CACNA2D1: variants seen among roughly 807,000 people sequenced by gnomAD.
CACNA2D1 encodes the protein calcium voltage-gated channel auxiliary subunit alpha2delta 1, also known as voltage-dependent calcium channel subunit alpha-2/delta-1.
Under a neutral mutation model 171.5 loss-of-function variants are expected in CACNA2D1, and 53 were observed. The observed-to-expected ratio is 0.31, with a 90% confidence interval of 0.25 to 0.39. The LOEUF (loss-of-function observed/expected upper bound fraction) is 0.39, where lower values mean the gene tolerates loss of function less well. CACNA2D1 is among the 10% of genes least tolerant of loss of function. The pLI is 1.00. For missense variants in CACNA2D1, 903 were observed against 1,299.8 expected, an observed-to-expected ratio of 0.69 and a Z score of 4.69; for synonymous variants, 442 against 443.1, an observed-to-expected ratio of 1.00 and a Z score of 0.03.
chr7:82,398,340 C>T (rs546578344), intron 1 of CACNA2D1, among the ~76,000 whole-genome samples: 1 of 152,312 alleles, frequency 6.6e-6, no homozygotes, highest in East Asian at 1.9e-4. Flanking sequence ...AACATCATTC[C>T]ATTCAGGAAT....
chr7:81,975,667 A>G (rs1271846862), intron 24 of CACNA2D1, among the ~76,000 whole-genome samples: 1 of 152,176 alleles, frequency 6.6e-6, no homozygotes, highest in African/African-American at 2.4e-5. Context: ...TCTTTTAAGC[A>G]TCCGTGATTT....
chr7:82,194,243 T>C (rs1433747639), intron 3 of CACNA2D1, among the ~76,000 whole-genome samples: 1 of 152,010 alleles, frequency 6.6e-6, no homozygotes, highest in Non-Finnish European at 1.5e-5. Flanking sequence ...CTCCAGTTGG[T>C]AGTCAAGCTA....
At chr7:82,260,731 G>A (rs1046323146) in intron 3 of CACNA2D1, among the ~76,000 whole-genome samples, 2 of 152,090 alleles carry the variant, frequency 1.3e-5, no homozygotes, top group Non-Finnish European at 2.9e-5. Context: ...AACAGATTTT[G>A]TCTTAAGGGC....
chr7:81,956,506 T>C (rs1045434613), intron 38 of CACNA2D1, among the ~76,000 whole-genome samples: 26 of 152,030 alleles, frequency 1.7e-4, no homozygotes, highest in African/African-American at 6.0e-4. Context: ...CAGGAATTAA[T>C]AATAATTCAA....
intron 3 of CACNA2D1, among the ~76,000 whole-genome samples, chr7:82,299,096 A>C (rs1812666645): frequency 7.4e-6 from 1 of 135,746 alleles, no homozygotes; most frequent in Non-Finnish European, 1.7e-5. Context: ...AATAGTAAAT[A>C]CCAAGTCATT....
intron 1 of CACNA2D1, among the ~76,000 whole-genome samples, chr7:82,404,953 A>G (rs2129452678): frequency 6.6e-6 from 1 of 152,354 alleles, no homozygotes; most frequent in East Asian, 1.9e-4. Context: ...AATCTAAAGC[A>G]TGTAAGACAC....
chr7:82,438,097 A>G lies in CACNA2D1; in HGVS notation c.95+5268T>C, dbSNP rs1276700405. On this transcript the variant is annotated intron_variant, in intron 1 of 38. Coordinates refer to ENST00000356860, the MANE Select transcript of CACNA2D1 (RefSeq NM_000722.4). ...TCAATTATGTTAGTAACCCGTCTCTATAGGACTTGAGCATTTTCAGGCTGC... is the reference window on the plus strand; with the variant it reads ...TCAATTATGTTAGTAACCCGTCTCTGTAGGACTTGAGCATTTTCAGGCTGC... 3.9e-5 allele frequency among the ~76,000 whole-genome samples: 6 copies of G among 152,252 alleles called. No individual in the cohort carries two copies. The South Asian group carries it at 6.2e-4, about 16-fold the overall frequency.
intron 10 of CACNA2D1, among the ~76,000 whole-genome samples, chr7:82,052,568 C>T (rs1159615628): frequency 6.6e-6 from 1 of 152,014 alleles, no homozygotes; most frequent in African/African-American, 2.4e-5. Context: ...AGTATATACT[C>T]AAAATAAAGC....
chr7:81,969,066 G>C (rs763810099), intron 28 of CACNA2D1, 93 bp from the exon 29 acceptor site: 8 of 787,436 alleles, frequency 1.0e-5, no homozygotes, highest in Non-Finnish European at 1.1e-5. Flanking sequence ...ATAGTATTTT[G>C]CTTAAAAATT....
intron 3 of CACNA2D1, among the ~76,000 whole-genome samples, chr7:82,275,698 G>GA (rs2129359871): frequency 6.6e-6 from 1 of 152,232 alleles, no homozygotes; most frequent in Non-Finnish European, 1.5e-5. Context: ...ATACGCACAG[G>GA]AAGGCAAAGA....
At chr7:82,217,394 CA>C (rs1801242338) in intron 3 of CACNA2D1, among the ~76,000 whole-genome samples, 1 of 102,546 alleles carries the variant, frequency 9.8e-6, no homozygotes, top group East Asian at 2.3e-4. Flanking sequence ...CACACACATA[CA>C]TATATATATA....
intron 3 of CACNA2D1, among the ~76,000 whole-genome samples, chr7:82,332,561 AGAAAGAAC>A (rs1331960559): frequency 1.5e-3 from 206 of 140,542 alleles, no homozygotes; most frequent in African/African-American, 5.0e-3. Flanking sequence ...AAAGAAAGAA[AGAAAGAAC>A]GAACAGAAAA....
intron 3 of CACNA2D1, among the ~76,000 whole-genome samples, chr7:82,323,998 T>G (rs1246155937): frequency 6.6e-6 from 1 of 152,190 alleles, no homozygotes; most frequent in African/African-American, 2.4e-5. Flanking sequence ...ACTCATTTAG[T>G]GCTGACACTA....
intron 7 of CACNA2D1, among the ~76,000 whole-genome samples, chr7:82,081,344 AAAACAC>A (rs1809744216): frequency 2.0e-5 from 3 of 152,198 alleles, no homozygotes; most frequent in Non-Finnish European, 2.9e-5. Flanking sequence ...TTTTGTGTTA[AAAACAC>A]AGTCTTACAA....
intron 3 of CACNA2D1, among the ~76,000 whole-genome samples, chr7:82,332,143 C>T (rs1486006207): frequency 1.3e-5 from 2 of 152,150 alleles, no homozygotes; most frequent in African/African-American, 2.4e-5. Flanking sequence ...TCACTGCATC[C>T]TCTGCCTCCC....
chr7:82,040,205 A>C (rs1803766027), intron 10 of CACNA2D1, among the ~76,000 whole-genome samples: 3 of 152,138 alleles, frequency 2.0e-5, no homozygotes, highest in Admixed American at 2.0e-4. Context: ...TTGGTGGTGG[A>C]TTTAGCAGGA....
intron 3 of CACNA2D1, among the ~76,000 whole-genome samples, chr7:82,307,522 T>C (rs1434105922): frequency 6.7e-6 from 1 of 150,344 alleles, no homozygotes; most frequent in Non-Finnish European, 1.5e-5. Flanking sequence ...AATAATTATA[T>C]AATTTATAAA....
chr7:82,159,641 A>G (rs1794731756), intron 4 of CACNA2D1, among the ~76,000 whole-genome samples: 1 of 151,552 alleles, frequency 6.6e-6, no homozygotes, highest in Non-Finnish European at 1.5e-5. Flanking sequence ...AAGAAAATAA[A>G]AGATAAAGGG....
chr7:81,959,484 A>G, intron 37 of CACNA2D1, 127 bp from the exon 38 acceptor site: 1 of 781,540 alleles, frequency 1.3e-6, no homozygotes, highest in East Asian at 2.6e-5. Flanking sequence ...CATCCAACAC[A>G]ATTCAAGTAC....
Sources: gnomAD v4.1 joint callset for allele counts (sites outside exome capture counted in the v4.1 genomes callset) on GRCh38, gnomAD v4.1.1 for gene constraint, MANE v1.5 for transcripts, NCBI Gene and HGNC (gene_info 2026-07-23, HGNC 2026-07-21) for gene names.